The following TJP1 variants were observed in gnomAD, a reference collection of about 807,000 sequenced individuals.
The protein encoded by TJP1 is tight junction protein 1.
Under a neutral mutation model 194.2 loss-of-function variants are expected in TJP1, and 43 were observed. The ratio of observed to expected loss-of-function variants is 0.22; its 90% CI spans 0.17 to 0.29. The LOEUF (loss-of-function observed/expected upper bound fraction) is 0.29. TJP1 is among the 10% of genes least tolerant of loss of function. TJP1 has a pLI of 1.00. For synonymous variants in TJP1, 801 were observed against 779.0 expected (o/e 1.03, Z -0.47); for missense variants, 1,971 against 2,185.7 (o/e 0.90, Z 1.96).
At chr15:29,791,038 T>C (rs1269529741) in intron 2 of TJP1, among the ~76,000 whole-genome samples, 1 of 147,368 alleles carries the variant, frequency 6.8e-6, no homozygotes, top group Non-Finnish European at 1.5e-5. Flanking sequence ...ACTCGTTTCC[T>C]TTTTTTTTGG....
intron 2 of TJP1, among the ~76,000 whole-genome samples, chr15:29,912,575 G>T (rs1406753271): frequency 6.6e-6 from 1 of 151,760 alleles, no homozygotes; most frequent in Non-Finnish European, 1.5e-5. Flanking sequence ...ATGTGGTAGT[G>T]CATGCCTGTA....
intron 1 of TJP1, among the ~76,000 whole-genome samples, chr15:29,803,413 T>C (rs2048912986): frequency 6.6e-6 from 1 of 152,114 alleles, no homozygotes; most frequent in Non-Finnish European, 1.5e-5. Flanking sequence ...TGTTAGATAA[T>C]TTTGCCCAAC....
At chr15:29,949,655 TCCACCTCCACAACCACC>T (rs2055543032) in intron 2 of TJP1, among the ~76,000 whole-genome samples, 1 of 44,704 alleles carries the variant, frequency 2.2e-5, no homozygotes, top group Non-Finnish European at 4.4e-5. Context: ...CACCACCACC[TCCACCTCCACAACCACC>T]ACCTCCACCT....
chr15:29,739,655 C>T (rs1418877533), intron 10 of TJP1, among the ~76,000 whole-genome samples: 11 of 152,018 alleles, frequency 7.2e-5, no homozygotes, highest in Non-Finnish European at 4.4e-5. Flanking sequence ...CGTGTTCAGC[C>T]AGGATGGTCT....
chr15:29,874,355 C>T lies in TJP1; in HGVS notation c.307-73653G>A, dbSNP rs146966961. Among the ~76,000 whole-genome samples the T allele has an allele frequency of 2.7e-3, 406 of 152,206 alleles. 1 individual carries two copies. Among genetic ancestry groups the T allele is most frequent in the Middle Eastern group, 0.014 (4 of 294 alleles). The stretch of plus-strand genomic sequence containing the variant: ...GGGCTGTCGGAGTCAATCAGGCACT[C>T]GGCTCATTGGAACTTCTGTCCCCTC... On this transcript the variant is annotated intron_variant, in intron 2 of 28. Transcript: ENST00000356107.
chr15:29,783,439 A>T (rs1424788272), intron 2 of TJP1, among the ~76,000 whole-genome samples: 1 of 152,214 alleles, frequency 6.6e-6, no homozygotes, highest in Non-Finnish European at 1.5e-5. Context: ...GCTAAAAAGA[A>T]AACTACCATT....
At chr15:29,820,159 CTT>C (rs34650430) in intron 1 of TJP1, among the ~76,000 whole-genome samples, 10 of 135,036 alleles carry the variant, frequency 7.4e-5, no homozygotes, top group East Asian at 2.1e-4. Flanking sequence ...TTAATGTTGC[CTT>C]TTTTTTTTTT....
At chr15:29,781,600 T>G (rs996874915) in intron 2 of TJP1, among the ~76,000 whole-genome samples, 3 of 152,276 alleles carry the variant, frequency 2.0e-5, no homozygotes, top group Admixed American at 6.5e-5. Flanking sequence ...AGCAGCATAT[T>G]AAAAAGCTAA....
At chr15:29,736,716 C>T (rs1252656237) in intron 11 of TJP1, among the ~76,000 whole-genome samples, 1 of 152,204 alleles carries the variant, frequency 6.6e-6, no homozygotes, top group Non-Finnish European at 1.5e-5. Context: ...TGTAACTAAT[C>T]CTGTCTCTTG....
At position 29,705,845 on chromosome 15, in the gene TJP1, T is replaced by C; in HGVS notation, c.4851-100A>G. 4.0e-6 allele frequency: 4 copies of C among 1,005,974 alleles called. No homozygotes were observed. The South Asian group carries it at 6.3e-5, about 16-fold the overall frequency. 62.3% of individuals were successfully genotyped at this position (1,005,974 alleles called of 1,614,324 possible). On this transcript the variant is annotated intron_variant, in intron 25 of 27. Transcript: ENST00000614355. ...ACGTGCTTTCACTTTTATTTCTCCA[T>C]ATAATCAAGAAGTTACTTTAACAAG...
At chr15:29,765,675 G>C (rs1042423296) in intron 5 of TJP1, among the ~76,000 whole-genome samples, 7 of 152,140 alleles carry the variant, frequency 4.6e-5, no homozygotes, top group Non-Finnish European at 2.9e-5. Context: ...TGAATTGCCT[G>C]AGCTTACCAA....
rs142282890 is a variant in TJP1, at chr15:29,910,637, A to G, written c.306+45595T>C. Reference sequence around the variant, plus strand: ...TTATATTTGTGGTTTAGCTCTAACAACTGCACTAATAATACTAGTGATAAA... The same window carrying G: ...TTATATTTGTGGTTTAGCTCTAACAGCTGCACTAATAATACTAGTGATAAA... On this transcript the variant is annotated intron_variant, in intron 2 of 28. Coordinates refer to the TJP1 transcript ENST00000356107. 2.1e-4 allele frequency among the ~76,000 whole-genome samples: 32 copies of G among 152,344 alleles called. 1 individual carries two copies. Among genetic ancestry groups the G allele is most frequent in the Admixed American group, 1.5e-3 (23 of 15,300 alleles).
At chr15:29,928,903 T>C (rs913663386) in intron 2 of TJP1, among the ~76,000 whole-genome samples, 5 of 151,650 alleles carry the variant, frequency 3.3e-5, no homozygotes, top group South Asian at 2.1e-4. Context: ...GATCTCGCCA[T>C]TGCACTCCAG....
rs559553981 is a variant in TJP1, at chr15:29,833,275, T to A, written c.307-32573A>T. Among the ~76,000 whole-genome samples the A allele has an allele frequency of 3.9e-5, 6 of 152,350 alleles. No homozygotes were observed. The South Asian group carries it at 1.0e-3, about 26-fold the overall frequency. ...CAATTTAGCAGAATCACATAATTTG[T>A]AATAATATACGTATAAGGATTGTGT... On this transcript the variant is annotated intron_variant, in intron 2 of 28. Coordinates refer to the TJP1 transcript ENST00000356107.
intron 2 of TJP1, among the ~76,000 whole-genome samples, chr15:29,951,604 T>C (rs1452729464): frequency 1.3e-5 from 2 of 152,184 alleles, no homozygotes; most frequent in Non-Finnish European, 2.9e-5. Flanking sequence ...AAATGTAACA[T>C]TCCAAATAAT....
chr15:29,831,111 T>C (rs1028007893), intron 2 of TJP1, among the ~76,000 whole-genome samples: 1 of 152,170 alleles, frequency 6.6e-6, no homozygotes, highest in African/African-American at 2.4e-5. Flanking sequence ...TGGATAAAAC[T>C]TGGGAACCAA....
Position 29,896,443 on chromosome 15 carries a change from C to T in TJP1, c.306+59789G>A, listed in dbSNP as rs147712785. On this transcript the variant is annotated intron_variant, in intron 2 of 28. Coordinates refer to the TJP1 transcript ENST00000356107. ...ATAAACCTCTTTCTTCTCTAAATTG[C>T]CCAGTCTTGGATATGTCTTTTTCAG... is the stretch of plus-strand genomic sequence containing the variant. 9.0e-3 allele frequency among the ~76,000 whole-genome samples: 1,363 copies of T among 152,274 alleles called. 15 individuals carry two copies. The highest frequency in any genetic ancestry group is 0.031 in the African/African-American group (1,285 of 41,568).
At chr15:29,799,131 T>C (rs572791747) in intron 2 of TJP1, among the ~76,000 whole-genome samples, 1 of 152,110 alleles carries the variant, frequency 6.6e-6, no homozygotes, top group African/African-American at 2.4e-5. Context: ...TTTCACTGTA[T>C]GTAAATTATA....
intron 5 of TJP1, 93 bp from the exon 6 acceptor site, chr15:29,762,531 T>C (rs2046073109): frequency 2.4e-6 from 2 of 836,072 alleles, no homozygotes; most frequent in Admixed American, 2.6e-5. Flanking sequence ...AACTACTGCA[T>C]AGAGTTTTCA....
Sources: gnomAD v4.1 joint callset for allele counts (sites outside exome capture counted in the v4.1 genomes callset) on GRCh38, gnomAD v4.1.1 for gene constraint, MANE v1.5 for transcripts, NCBI Gene and HGNC (gene_info 2026-07-23, HGNC 2026-07-21) for gene names.